The following PDE7B variants were observed in gnomAD, a reference collection of about 807,000 sequenced individuals.
PDE7B encodes phosphodiesterase 7B.
In PDE7B, 29 loss-of-function variants were observed where a neutral mutation model predicts 56.2. That is an observed-to-expected ratio of 0.52 (90% CI 0.38 to 0.70). The LOEUF (loss-of-function observed/expected upper bound fraction) is 0.70. PDE7B is among the 30% of genes least tolerant of loss of function. The probability of loss-of-function intolerance (pLI) is 0.00; values close to 1 mark genes in which losing one functional copy is unlikely to be tolerated. For synonymous variants in PDE7B, 197 were observed against 196.9 expected (o/e 1.00, Z 0.00); for missense variants, 490 against 565.0 (o/e 0.87, Z 1.35).
intron 1 of PDE7B, among the ~76,000 whole-genome samples, chr6:135,867,299 A>C (rs1171484169): frequency 1.3e-5 from 2 of 152,150 alleles, no homozygotes; most frequent in African/African-American, 4.8e-5. Flanking sequence ...TCCTTTTCAA[A>C]ACAGAAATTA....
chr6:135,949,993 G>A (rs1672615885), intron 2 of PDE7B, among the ~76,000 whole-genome samples: 1 of 152,022 alleles, frequency 6.6e-6, no homozygotes, highest in Admixed American at 6.6e-5. Flanking sequence ...CACTTATGAA[G>A]TCCTTTGAAA....
intron 2 of PDE7B, among the ~76,000 whole-genome samples, chr6:136,056,090 A>G (rs1381391036): frequency 4.6e-5 from 7 of 152,192 alleles, no homozygotes; most frequent in African/African-American, 1.2e-4. Flanking sequence ...GGAAACGTAG[A>G]AGGAGGAGGA....
intron 1 of PDE7B, among the ~76,000 whole-genome samples, chr6:135,880,545 T>C (rs928516717): frequency 5.4e-4 from 82 of 152,064 alleles, no homozygotes; most frequent in Non-Finnish European, 1.3e-4. Flanking sequence ...AGATTGGCAG[T>C]AGAAAAACTG....
At chr6:135,958,323 C>G (rs1050446565) in intron 2 of PDE7B, among the ~76,000 whole-genome samples, 3 of 152,178 alleles carry the variant, frequency 2.0e-5, no homozygotes, top group Admixed American at 6.5e-5. Context: ...TTCTTGCTTT[C>G]AAGATGAGTC....
chr6:135,998,453 G>A (rs550621738), intron 2 of PDE7B, among the ~76,000 whole-genome samples: 21 of 152,080 alleles, frequency 1.4e-4, no homozygotes, highest in Middle Eastern at 3.4e-3. Flanking sequence ...CCTTAAAATT[G>A]ACAAACATAA....
chr6:136,181,494 A>G (rs1779067165), intron 11 of PDE7B, among the ~76,000 whole-genome samples, 171 bp downstream of exon 11: 1 of 152,208 alleles, frequency 6.6e-6, no homozygotes, highest in Non-Finnish European at 1.5e-5. Flanking sequence ...TTTTTCGGAA[A>G]AAGTTAAAAA....
At chr6:136,022,784 T>C (rs1776093531) in intron 2 of PDE7B, among the ~76,000 whole-genome samples, 2 of 152,214 alleles carry the variant, frequency 1.3e-5, no homozygotes, top group Admixed American at 1.3e-4. Flanking sequence ...TTTGTGTCTG[T>C]GCACAAAATG....
chr6:135,966,049 A>G (rs1319118530), intron 2 of PDE7B, among the ~76,000 whole-genome samples: 2 of 152,218 alleles, frequency 1.3e-5, no homozygotes, highest in African/African-American at 4.8e-5. Flanking sequence ...TAGGGTAATA[A>G]CAATAAAGAG....
At chr6:136,022,257 T>C (rs1334819087) in intron 2 of PDE7B, among the ~76,000 whole-genome samples, 1 of 152,252 alleles carries the variant, frequency 6.6e-6, no homozygotes, top group African/African-American at 2.4e-5. Context: ...TTCTGGTTAA[T>C]GTTTTTGTGT....
intron 1 of PDE7B, among the ~76,000 whole-genome samples, chr6:135,921,293 A>G (rs1451492955): frequency 6.6e-6 from 1 of 152,180 alleles, no homozygotes; most frequent in Non-Finnish European, 1.5e-5. Flanking sequence ...ATGGACAGAT[A>G]TATTCAGGAG....
chr6:135,998,680 C>T (rs980913761), intron 2 of PDE7B, among the ~76,000 whole-genome samples: 14 of 151,714 alleles, frequency 9.2e-5, no homozygotes, highest in South Asian at 2.1e-4. Context: ...GGCGTGAACC[C>T]GGGAGGCAGA....
intron 1 of PDE7B, among the ~76,000 whole-genome samples, chr6:135,923,266 C>T (rs1013715135): frequency 1.3e-5 from 2 of 152,138 alleles, no homozygotes; most frequent in African/African-American, 4.8e-5. Context: ...GCAAACTCTG[C>T]ACTAGGCATG....
chr6:135,979,196 T>C (rs953383296), intron 2 of PDE7B, among the ~76,000 whole-genome samples: 2 of 151,870 alleles, frequency 1.3e-5, no homozygotes, highest in African/African-American at 4.9e-5. Context: ...TTTGTGTATA[T>C]TGAACCAGCC....
chr6:135,961,921 T>G (rs375976747), intron 2 of PDE7B, among the ~76,000 whole-genome samples: 144 of 152,306 alleles, frequency 9.5e-4, no homozygotes, highest in African/African-American at 3.2e-3. Flanking sequence ...TGTATGATAC[T>G]GTAATGGTAG....
At chr6:135,919,800 T>G (rs1774035725) in intron 1 of PDE7B, among the ~76,000 whole-genome samples, 1 of 152,192 alleles carries the variant, frequency 6.6e-6, no homozygotes, top group South Asian at 2.1e-4. Context: ...ACGAAGGAGT[T>G]GCGAAAATTA....
intron 3 of PDE7B, among the ~76,000 whole-genome samples, chr6:136,123,550 C>A (rs1777974635): frequency 6.6e-6 from 1 of 152,178 alleles, no homozygotes. Flanking sequence ...TATTAAAGGA[C>A]AAGCAAGTTC....
intron 2 of PDE7B, among the ~76,000 whole-genome samples, chr6:136,041,934 T>C (rs965640437): frequency 6.6e-6 from 1 of 152,164 alleles, no homozygotes; most frequent in Non-Finnish European, 1.5e-5. Context: ...ACTCATGTGG[T>C]CAGGGTACAT....
At chr6:135,920,358 T>C (rs1774050390) in intron 1 of PDE7B, among the ~76,000 whole-genome samples, 1 of 152,216 alleles carries the variant, frequency 6.6e-6, no homozygotes, top group African/African-American at 2.4e-5. Context: ...CATGCTTCTT[T>C]TTCCATCTAA....
chr6:136,164,643 C>A (rs1397761099), intron 8 of PDE7B, among the ~76,000 whole-genome samples: 1 of 152,036 alleles, frequency 6.6e-6, no homozygotes, highest in Non-Finnish European at 1.5e-5. Context: ...GTATTTAGTA[C>A]TTAGAGCCTG....
Sources: allele counts gnomAD v4.1 joint callset (sites outside exome capture counted in the v4.1 genomes callset), GRCh38; gene constraint gnomAD v4.1.1; transcripts MANE v1.5; gene names NCBI Gene and HGNC (gene_info 2026-07-23, HGNC 2026-07-21).